Variants in CFAP43 observed in about 807,000 individuals in gnomAD.
CFAP43 encodes the protein cilia and flagella associated protein 43.
A neutral mutation model predicts 218.9 loss-of-function variants in CFAP43; 155 were observed. The ratio of observed to expected loss-of-function variants is 0.71; its 90% CI spans 0.62 to 0.81. The LOEUF is 0.81. Ranked by LOEUF, CFAP43 falls within the 30% of genes least tolerant of loss-of-function variation. CFAP43 has a pLI of 0.00. For synonymous variants in CFAP43, 645 were observed against 681.3 expected (o/e 0.95, Z 0.83); for missense variants, 1,778 against 1,954.3 (o/e 0.91, Z 1.70).
intron 3 of CFAP43, among the ~76,000 whole-genome samples, chr10:104,219,191 A>G (rs1487104017): frequency 2.6e-5 from 4 of 151,852 alleles, no homozygotes; most frequent in African/African-American, 9.7e-5. Context: ...AAGTTGCCCA[A>G]GTCACACGCA....
chr10:104,130,082 C>T lies in CFAP43; in HGVS notation c.*57G>A. The T allele has an allele frequency of 6.6e-7, 1 of 1,507,988 alleles. No homozygotes were observed. Among genetic ancestry groups the T allele is most frequent in the Non-Finnish European group, 8.9e-7 (1 of 1,128,338 alleles). The allele number at this position is 1,507,988 out of a possible 1,614,324, so 93.4% of individuals were successfully genotyped here. A position where few individuals can be genotyped will look rare whatever the true frequency, so the allele number is the denominator to read the frequency against. On this transcript the variant is annotated 3_prime_UTR_variant, in exon 38 of 38. Coordinates refer to ENST00000357060, the MANE Select transcript of CFAP43 (RefSeq NM_025145.7). Reference sequence around the variant, plus strand: ...AGAAAGAAAAGGAAATCATTTTACCCAAATGAAATGATTTTTTAAATGATT... The same window carrying T: ...AGAAAGAAAAGGAAATCATTTTACCTAAATGAAATGATTTTTTAAATGATT...
At chr10:104,202,490 T>A (rs1469096352) in intron 8 of CFAP43, among the ~76,000 whole-genome samples, 1 of 152,224 alleles carries the variant, frequency 6.6e-6, no homozygotes, top group Admixed American at 6.5e-5. Flanking sequence ...CTTTCTCCTC[T>A]CTGGACTCTA....
chr10:104,222,309 A>G (rs982748671), intron 3 of CFAP43, among the ~76,000 whole-genome samples: 4 of 152,160 alleles, frequency 2.6e-5, no homozygotes, highest in Non-Finnish European at 4.4e-5. Context: ...CTGCTGGCAA[A>G]GCTACTTGGT....
At chr10:104,141,458 A>G (rs1401180708) in intron 33 of CFAP43, among the ~76,000 whole-genome samples, 1 of 152,030 alleles carries the variant, frequency 6.6e-6, no homozygotes, top group Non-Finnish European at 1.5e-5. Context: ...CTAACAATAC[A>G]AAAATTAGCC....
At chr10:104,148,774 C>G (rs955838027) in intron 28 of CFAP43, among the ~76,000 whole-genome samples, 3 of 152,206 alleles carry the variant, frequency 2.0e-5, no homozygotes, top group Non-Finnish European at 4.4e-5. Flanking sequence ...TCAGATAAAC[C>G]TCTTTTCTTT....
In CFAP43 at chr10:104,166,480, T is replaced by G. The variant is rs766966417; in HGVS notation, c.3039+8A>C. 2 of 1,603,260 alleles carry G rather than the reference T, an allele frequency of 1.2e-6. No individual in the cohort carries two copies. Among genetic ancestry groups the G allele is most frequent in the Non-Finnish European group, 1.7e-6 (2 of 1,173,820 alleles). The stretch of plus-strand genomic sequence containing the variant: ...AGATTTTTCAGGATAAAAAGAAAAT[T>G]GACCCACTTTCAATAATATAATTTG... On this transcript the variant is annotated splice_region_variant and intron_variant, in intron 23 of 37. Coordinates refer to ENST00000357060, the MANE Select transcript of CFAP43 (RefSeq NM_025145.7).
intron 19 of CFAP43, among the ~76,000 whole-genome samples, chr10:104,175,080 C>A (rs1342626087): frequency 5.3e-5 from 8 of 149,624 alleles, no homozygotes; most frequent in African/African-American, 2.0e-4. Context: ...AACAAACAAA[C>A]AAACAAACAA....
At chr10:104,186,159 G>T in intron 14 of CFAP43, 36 bp from the exon 15 acceptor site, 1 of 1,443,018 alleles carries the variant, frequency 6.9e-7, no homozygotes, top group Non-Finnish European at 9.1e-7. Context: ...TTATAGAAAA[G>T]ATCAGGTAAA....
chr10:104,132,111 C>T lies in CFAP43; in HGVS notation c.4677+5G>A, dbSNP rs763118082. 5 of 1,590,950 alleles carry T rather than the reference C, an allele frequency of 3.1e-6. No homozygotes were observed. In the South Asian group the frequency reaches 5.8e-5, roughly 19 times the overall value. On this transcript the variant is annotated splice_donor_5th_base_variant and intron_variant, in intron 36 of 37. Transcript: ENST00000357060. ...GATATAATAACCAACGTCTTTGAGA[C>T]TTACCTTATCTAAAACAGCAATGGT...
At chr10:104,133,865 T>A (rs992647802) in intron 34 of CFAP43, 81 bp from the exon 35 acceptor site, 2 of 1,259,030 alleles carry the variant, frequency 1.6e-6, no homozygotes, top group Non-Finnish European at 1.1e-6. Context: ...ATGCTATTTT[T>A]AGAAAATACT....
chr10:104,186,284 T>C lies in CFAP43; in HGVS notation c.1861-161A>G, dbSNP rs538908173. Among the ~76,000 whole-genome samples the C allele has an allele frequency of 2.0e-5, 3 of 152,340 alleles. No individual in the cohort carries two copies. The East Asian group carries it at 5.8e-4, about 29-fold the overall frequency. The stretch of plus-strand genomic sequence containing the variant: ...GTAAATAAATGGATATAGGATAAAG[T>C]GGACACCTGCGTTTGCATCATGTTT... On this transcript the variant is annotated intron_variant, in intron 14 of 37. Transcript: ENST00000357060.
intron 19 of CFAP43, among the ~76,000 whole-genome samples, chr10:104,173,107 C>T (rs1224644003): frequency 6.6e-6 from 1 of 152,054 alleles, no homozygotes; most frequent in Non-Finnish European, 1.5e-5. Context: ...ATATTAATGT[C>T]TTTAATATAT....
intron 1 of CFAP43, among the ~76,000 whole-genome samples, chr10:104,231,740 A>G (rs1229348805): frequency 6.6e-6 from 1 of 152,118 alleles, no homozygotes; most frequent in Non-Finnish European, 1.5e-5. Context: ...AAGCTAGTGG[A>G]TAGGAGTTAG....
At chr10:104,180,445 C>CTTTTTT (rs34452460) in intron 17 of CFAP43, among the ~76,000 whole-genome samples, 1 of 124,652 alleles carries the variant, frequency 8.0e-6, no homozygotes, top group African/African-American at 3.2e-5. Context: ...CACCCTATTT[C>CTTTTTT]TTTTTTTTTT....
In CFAP43 at chr10:104,232,243, C is replaced by A; in HGVS notation, c.4G>T (p.Ala2Ser). 1 of 1,605,330 alleles carries A rather than the reference C, an allele frequency of 6.2e-7. No individual in the cohort carries two copies. The highest frequency in any genetic ancestry group is 8.5e-7 in the Non-Finnish European group (1 of 1,177,250). Residue 2 changes from alanine to serine, a missense_variant, in exon 1 of 38, where the codon GCG becomes TCG. By Grantham distance (99) the Ala-to-Ser change is moderately conservative. Transcript: ENST00000357060. M[A>S]QGRERDEGPH... ...CCTTCGTCGCGCTCCCGGCCTTGCG[C>A]CATGGGCAGTGTTTTCCTCAGGCGG...
intron 3 of CFAP43, among the ~76,000 whole-genome samples, chr10:104,218,347 CAAAAAAAA>C (rs68078522): frequency 6.1e-5 from 6 of 98,614 alleles, no homozygotes; most frequent in African/African-American, 1.8e-4. Flanking sequence ...GACTGTGTCT[CAAAAAAAA>C]AAAAAAAAAA....
At chr10:104,153,772 CTCTCTCTCTCT>C (rs2088395206) in intron 27 of CFAP43, among the ~76,000 whole-genome samples, 1 of 151,930 alleles carries the variant, frequency 6.6e-6, no homozygotes. Flanking sequence ...TTCTCTCTCT[CTCTCTCTCTCT>C]TCTCTCTCTC....
chr10:104,183,755 A>C (rs1464001511), intron 16 of CFAP43, among the ~76,000 whole-genome samples: 1 of 152,228 alleles, frequency 6.6e-6, no homozygotes, highest in Admixed American at 6.5e-5. Context: ...ATGGATCAAA[A>C]TGTCCTTCTT....
intron 7 of CFAP43, among the ~76,000 whole-genome samples, chr10:104,205,672 G>C (rs768261732): frequency 2.6e-5 from 4 of 152,142 alleles, no homozygotes; most frequent in Non-Finnish European, 5.9e-5. Flanking sequence ...CATGGAATTG[G>C]GTTACAGATA....
Sources: gnomAD v4.1 joint callset for allele counts (sites outside exome capture counted in the v4.1 genomes callset) on GRCh38, gnomAD v4.1.1 for gene constraint, MANE v1.5 for transcripts, NCBI Gene and HGNC (gene_info 2026-07-23, HGNC 2026-07-21) for gene names.